The following MACROD1 variants were observed in gnomAD, a reference collection of about 807,000 sequenced individuals.
MACROD1 encodes the protein ADP-ribose glycohydrolase MACROD1.
A neutral mutation model predicts 41.4 loss-of-function variants in MACROD1; 31 were observed. That is an observed-to-expected ratio of 0.75 (90% CI 0.56 to 1.01). The LOEUF (loss-of-function observed/expected upper bound fraction) is 1.01. Ranked by LOEUF, MACROD1 falls within the 50% of genes least tolerant of loss-of-function variation. The pLI is 0.00. For missense variants in MACROD1, 473 were observed against 460.0 expected, an observed-to-expected ratio of 1.03 and a Z score of -0.26; for synonymous variants, 252 against 203.4, an observed-to-expected ratio of 1.24 and a Z score of -2.03.
chr11:64,164,857 C>T (rs772277636), intron 1 of MACROD1, among the ~76,000 whole-genome samples: 9 of 152,178 alleles, frequency 5.9e-5, no homozygotes, highest in Non-Finnish European at 8.8e-5. Context: ...AAGGCAGGGG[C>T]AGCTGGGTGC....
Position 64,078,242 on chromosome 11 carries a change from A to C in MACROD1, c.518-62961T>G, listed in dbSNP as rs529378486. On this transcript the variant is annotated intron_variant, in intron 3 of 10. Transcript: ENST00000255681. ...CAGTAGGACGTGCCCTCCAGAAGGG[A>C]GGTGGGCAGGTGTGCTCTCAGCACA... Among the ~76,000 whole-genome samples, 291 of 152,206 alleles carry C rather than the reference A, an allele frequency of 1.9e-3. 3 individuals carry two copies. Among genetic ancestry groups the C allele is most frequent in the Middle Eastern group, 0.01 (3 of 294 alleles).
At chr11:63,999,938 C>T (rs879551785) in intron 5 of MACROD1, 175 bp from the exon 6 acceptor site, 8 of 735,542 alleles carry the variant, frequency 1.1e-5, no homozygotes, top group Non-Finnish European at 1.7e-5. Flanking sequence ...TCCGCACGCG[C>T]ACAGAGCCCC....
intron 2 of MACROD1, among the ~76,000 whole-genome samples, 179 bp downstream of exon 2, chr11:64,152,113 G>C (rs1433608181): frequency 6.6e-6 from 1 of 152,200 alleles, no homozygotes; most frequent in Non-Finnish European, 1.5e-5. Context: ...TGCGCAAAAA[G>C]AGTGAAATTC....
intron 3 of MACROD1, 92 bp downstream of exon 3, chr11:64,151,147 A>C (rs1945570003): frequency 9.2e-7 from 1 of 1,091,890 alleles, no homozygotes; most frequent in Admixed American, 1.8e-5. Context: ...GCCTCACTGG[A>C]GCCAGGTGGC....
chr11:64,151,638 G>A (rs1470602219), intron 2 of MACROD1, among the ~76,000 whole-genome samples: 1 of 152,194 alleles, frequency 6.6e-6, no homozygotes, highest in Non-Finnish European at 1.5e-5. Context: ...TGAGGATTAG[G>A]TGGGTCAGAG....
chr11:64,071,493 T>G (rs1466119772), intron 3 of MACROD1, among the ~76,000 whole-genome samples: 2 of 152,144 alleles, frequency 1.3e-5, no homozygotes, highest in Admixed American at 1.3e-4. Context: ...ATTGTCCCCT[T>G]GGCCAGCTCG....
intron 4 of MACROD1, chr11:64,001,133 G>A: frequency 7.3e-6 from 3 of 410,298 alleles, no homozygotes; most frequent in Admixed American, 4.1e-5. Context: ...GGCGCAGCGG[G>A]AGGCATGGAG....
intron 3 of MACROD1, among the ~76,000 whole-genome samples, chr11:64,018,514 C>T (rs945116156): frequency 6.6e-6 from 1 of 152,216 alleles, no homozygotes; most frequent in Non-Finnish European, 1.5e-5. Flanking sequence ...TGCCAACAGA[C>T]AGGCTTCTGG....
At chr11:64,153,957 C>T (rs1776485463) in intron 1 of MACROD1, among the ~76,000 whole-genome samples, 1 of 152,034 alleles carries the variant, frequency 6.6e-6, no homozygotes, top group African/African-American at 2.4e-5. Flanking sequence ...TGCAGCTGCC[C>T]CCTCCTCTGC....
chr11:64,053,848 A>C lies in MACROD1; in HGVS notation c.518-38567T>G, dbSNP rs115019936. 4.1e-3 allele frequency among the ~76,000 whole-genome samples: 631 copies of C among 152,234 alleles called. 8 individuals carry two copies. The highest frequency in any genetic ancestry group is 0.014 in the African/African-American group (584 of 41,546). On this transcript the variant is annotated intron_variant, in intron 3 of 10. Coordinates refer to ENST00000255681, the MANE Select transcript of MACROD1 (RefSeq NM_014067.4). The stretch of plus-strand genomic sequence containing the variant: ...TGGGGAGGGGAGTGCTCAAGGTCAC[A>C]TGGGAGTTAGGGGCAGGGCTAAGAT...
At chr11:64,158,080 A>G (rs1415325920) in intron 1 of MACROD1, among the ~76,000 whole-genome samples, 3 of 152,170 alleles carry the variant, frequency 2.0e-5, no homozygotes, top group Non-Finnish European at 4.4e-5. Flanking sequence ...TACCTGGAAA[A>G]TTTGCCAGTG....
intron 3 of MACROD1, among the ~76,000 whole-genome samples, chr11:64,030,317 T>C (rs1943277941): frequency 6.6e-6 from 1 of 152,212 alleles, no homozygotes; most frequent in South Asian, 2.1e-4. Flanking sequence ...TCCGTCATTG[T>C]TGCCTTGAAG....
At chr11:64,005,320 G>A (rs1398705886) in intron 4 of MACROD1, among the ~76,000 whole-genome samples, 6 of 152,202 alleles carry the variant, frequency 3.9e-5, no homozygotes, top group Admixed American at 2.0e-4. Flanking sequence ...GAGCCACCGC[G>A]CCCGGCCAAG....
intron 3 of MACROD1, among the ~76,000 whole-genome samples, chr11:64,066,981 G>C (rs1944017041): frequency 6.6e-6 from 1 of 152,208 alleles, no homozygotes. Context: ...AGCCCAGCTG[G>C]CATCCCAAGC....
At chr11:64,006,311 T>G (rs528847283) in intron 4 of MACROD1, among the ~76,000 whole-genome samples, 119 of 152,280 alleles carry the variant, frequency 7.8e-4, no homozygotes, top group African/African-American at 2.7e-3. Flanking sequence ...TTGCTTCTGC[T>G]CACACCCTCC....
chr11:64,018,244 T>C (rs910739388), intron 3 of MACROD1, among the ~76,000 whole-genome samples: 7 of 152,152 alleles, frequency 4.6e-5, no homozygotes, highest in Non-Finnish European at 1.5e-5. Flanking sequence ...GCCAGTCTAC[T>C]GTGCCCCCTT....
chr11:64,129,469 G>C (rs1235835824), intron 3 of MACROD1, among the ~76,000 whole-genome samples: 1 of 152,182 alleles, frequency 6.6e-6, no homozygotes, highest in Non-Finnish European at 1.5e-5. Flanking sequence ...TGGGAGGCCG[G>C]GTTGCCTACA....
chr11:64,102,021 T>C (rs641378), intron 3 of MACROD1, among the ~76,000 whole-genome samples: 70,992 of 151,966 alleles, frequency 0.47, 17,380 homozygotes, highest in African/African-American at 0.61. Context: ...TATTAAAACA[T>C]GAACCCTAAT....
At chr11:64,047,351 C>T (rs1160085361) in intron 3 of MACROD1, among the ~76,000 whole-genome samples, 1 of 152,166 alleles carries the variant, frequency 6.6e-6, no homozygotes, top group South Asian at 2.1e-4. Context: ...AAACCTGAGG[C>T]TCAGGGAGGT....
Sources: gnomAD v4.1 joint callset for allele counts (sites outside exome capture counted in the v4.1 genomes callset) on GRCh38, gnomAD v4.1.1 for gene constraint, MANE v1.5 for transcripts, NCBI Gene and HGNC (gene_info 2026-07-23, HGNC 2026-07-21) for gene names.